CNGB3: variants seen among roughly 807,000 people sequenced by gnomAD.
CNGB3 encodes cyclic nucleotide-gated channel beta-3.
CNGB3 carries 86 observed loss-of-function variants against 92.8 expected under a neutral mutation model. The observed-to-expected ratio is 0.93, with a 90% confidence interval of 0.78 to 1.11. CNGB3 has a LOEUF of 1.11. Among genes scored for constraint, CNGB3 ranks in the 50% least tolerant of loss-of-function variants. The pLI is 0.00. For synonymous variants in CNGB3, 333 were observed against 332.7 expected, an observed-to-expected ratio of 1.00 and a Z score of -0.01; for missense variants, 1,026 against 956.8, an observed-to-expected ratio of 1.07 and a Z score of -0.95.
intron 3 of CNGB3, among the ~76,000 whole-genome samples, chr8:86,721,571 GA>G (rs1414603052): frequency 5.9e-5 from 9 of 151,966 alleles, no homozygotes; most frequent in Admixed American, 6.6e-5. Flanking sequence ...AATAAAAACA[GA>G]TTTGATGATC....
chr8:86,719,759 A>G (rs566726294), intron 3 of CNGB3, among the ~76,000 whole-genome samples: 1 of 152,344 alleles, frequency 6.6e-6, no homozygotes. Context: ...CTATAAGGTC[A>G]TAGTCACCGA....
chr8:86,677,772 A>T (rs1824003338), intron 3 of CNGB3, among the ~76,000 whole-genome samples: 1 of 152,162 alleles, frequency 6.6e-6, no homozygotes, highest in Non-Finnish European at 1.5e-5. Context: ...GTAAGAGTTC[A>T]CTGGTCATCT....
At chr8:86,665,182 T>C (rs1050278918) in intron 6 of CNGB3, among the ~76,000 whole-genome samples, 9 of 152,098 alleles carry the variant, frequency 5.9e-5, no homozygotes, top group Non-Finnish European at 1.2e-4. Flanking sequence ...ACATCACTAA[T>C]CATCAGAGGA....
At chr8:86,661,883 C>T in intron 6 of CNGB3, 1 of 935,234 alleles carries the variant, frequency 1.1e-6, no homozygotes, top group Non-Finnish European at 1.8e-6. Flanking sequence ...CATCACAGTC[C>T]ACAAACCATA....
chr8:86,743,412 A>G (rs1311911975), intron 1 of CNGB3, 87 bp downstream of exon 1: 1 of 1,504,134 alleles, frequency 6.6e-7, no homozygotes, highest in Non-Finnish European at 9.3e-7. Flanking sequence ...ACTACTAAAC[A>G]ATCATATATC....
At chr8:86,695,126 C>G (rs1198548410) in intron 3 of CNGB3, among the ~76,000 whole-genome samples, 1 of 149,692 alleles carries the variant, frequency 6.7e-6, no homozygotes, top group Non-Finnish European at 1.5e-5. Flanking sequence ...GAAACCCCGT[C>G]TCCACCAAAA....
At chr8:86,649,184 G>A (rs1396736668) in intron 7 of CNGB3, among the ~76,000 whole-genome samples, 1 of 151,406 alleles carries the variant, frequency 6.6e-6, no homozygotes, top group African/African-American at 2.4e-5. Flanking sequence ...ACAAACAAAT[G>A]GAAACACATC....
At chr8:86,733,798 G>A (rs1183984633) in intron 2 of CNGB3, among the ~76,000 whole-genome samples, 1 of 152,108 alleles carries the variant, frequency 6.6e-6, no homozygotes. Context: ...TACTGCCAAG[G>A]ACTGAAGAGT....
intron 15 of CNGB3, among the ~76,000 whole-genome samples, chr8:86,595,536 A>G (rs1299190965): frequency 6.6e-6 from 1 of 152,262 alleles, no homozygotes; most frequent in Non-Finnish European, 1.5e-5. Flanking sequence ...AAAAGGATGT[A>G]GTGAAAATGT....
intron 3 of CNGB3, among the ~76,000 whole-genome samples, chr8:86,693,872 G>C (rs1266022855): frequency 1.3e-5 from 2 of 152,064 alleles, no homozygotes; most frequent in African/African-American, 2.4e-5. Flanking sequence ...GCAACCATCC[G>C]ACCTCTCAAT....
chr8:86,589,664 A>T (rs996032319), intron 15 of CNGB3, among the ~76,000 whole-genome samples: 14 of 152,288 alleles, frequency 9.2e-5, no homozygotes, highest in East Asian at 1.9e-4. Flanking sequence ...TGAGATTCTT[A>T]GTCCTGAGTT....
intron 15 of CNGB3, chr8:86,594,506 CCAGCCTTGTCTTTGG>C (rs1347186974): frequency 3.2e-6 from 1 of 308,446 alleles, no homozygotes; most frequent in African/African-American, 2.3e-5. Flanking sequence ...GCTCTGGAAG[CCAGCCTTGTCTTTGG>C]CAGCCTCTTG....
intron 1 of CNGB3, among the ~76,000 whole-genome samples, chr8:86,741,404 G>A (rs1372118980): frequency 5.9e-5 from 9 of 152,082 alleles, no homozygotes; most frequent in South Asian, 2.1e-4. Flanking sequence ...TGGCTCATGC[G>A]TGTAATCCCA....
rs1823782445 is a variant in CNGB3, at chr8:86,668,185, A to G, written c.494-17T>C. 1 of 1,613,380 alleles carries G rather than the reference A, an allele frequency of 6.2e-7. No individual in the cohort carries two copies. Among genetic ancestry groups the G allele is most frequent in the South Asian group, 1.1e-5 (1 of 91,040 alleles). ...TGGGCTTTGCTTCATAGGGAAAAAAAAAAAGATGAAACATTTGAAGAGGTT... is the reference window on the plus strand; with the variant it reads ...TGGGCTTTGCTTCATAGGGAAAAAAGAAAAGATGAAACATTTGAAGAGGTT... On this transcript the variant is annotated splice_polypyrimidine_tract_variant and intron_variant, in intron 4 of 17. Transcript: ENST00000320005.
chr8:86,592,348 G>T (rs552823447), intron 15 of CNGB3, among the ~76,000 whole-genome samples: 121 of 152,264 alleles, frequency 7.9e-4, no homozygotes, highest in Non-Finnish European at 1.4e-3. Context: ...TTCCTATTCG[G>T]CCATCTTGGC....
intron 15 of CNGB3, among the ~76,000 whole-genome samples, chr8:86,603,776 A>G (rs1822357534): frequency 6.6e-6 from 1 of 152,170 alleles, no homozygotes; most frequent in African/African-American, 2.4e-5. Context: ...GTTTTCCAAC[A>G]ATCTGGTAAC....
chr8:86,694,428 T>C (rs1586021294), intron 3 of CNGB3, among the ~76,000 whole-genome samples: 1 of 147,488 alleles, frequency 6.8e-6, no homozygotes, highest in African/African-American at 2.5e-5. Flanking sequence ...CCGGACGGGG[T>C]GGCTGCCGGG....
At chr8:86,658,497 T>C (rs548170199) in intron 6 of CNGB3, 16 of 396,254 alleles carry the variant, frequency 4.0e-5, no homozygotes, top group Non-Finnish European at 7.3e-5. Context: ...CTGAGCTTCC[T>C]CCTGCTGCAG....
rs112328405 is a variant in CNGB3, at chr8:86,674,503, G to A, written c.339-3405C>T. Reference sequence around the variant, plus strand: ...CTGCCTATATACATATGGAAGCCATGAATGTATTTTTCTTTAGGTAATTTT... The same window carrying A: ...CTGCCTATATACATATGGAAGCCATAAATGTATTTTTCTTTAGGTAATTTT... On this transcript the variant is annotated intron_variant, in intron 3 of 17. Coordinates refer to ENST00000320005, the MANE Select transcript of CNGB3 (RefSeq NM_019098.5). Among the ~76,000 whole-genome samples the A allele has an allele frequency of 2.4e-3, 365 of 152,238 alleles. 2 individuals are homozygous for A. The highest frequency in any genetic ancestry group is 8.5e-3 in the African/African-American group (354 of 41,548).
Sources: allele counts gnomAD v4.1 joint callset (sites outside exome capture counted in the v4.1 genomes callset), GRCh38; gene constraint gnomAD v4.1.1; transcripts MANE v1.5; gene names NCBI Gene and HGNC (gene_info 2026-07-23, HGNC 2026-07-21).